RNF111: variants seen among roughly 807,000 people sequenced by gnomAD.
RNF111 encodes the protein ring finger protein 111.
In RNF111, 17 loss-of-function variants were observed where a neutral mutation model predicts 95.1. That is an observed-to-expected ratio of 0.18 (90% CI 0.12 to 0.27). The LOEUF (loss-of-function observed/expected upper bound fraction) is 0.27, where lower values mean the gene tolerates loss of function less well. Ranked by LOEUF, RNF111 falls within the 10% of genes least tolerant of loss-of-function variation. The probability of loss-of-function intolerance (pLI) is 1.00; values close to 1 mark genes in which losing one functional copy is unlikely to be tolerated. For synonymous variants in RNF111, 440 were observed against 414.8 expected, an observed-to-expected ratio of 1.06 and a Z score of -0.74; for missense variants, 1,189 against 1,210.4, an observed-to-expected ratio of 0.98 and a Z score of 0.26.
intron 1 of RNF111, among the ~76,000 whole-genome samples, chr15:59,023,108 C>T (rs776631364): frequency 1.3e-5 from 2 of 152,056 alleles, no homozygotes; most frequent in Admixed American, 6.6e-5. Flanking sequence ...ATTAACTGGG[C>T]ATGGTGGTGC....
At position 59,031,577 on chromosome 15, in the gene RNF111, G is replaced by A. The variant is rs758101206; in HGVS notation, c.755G>A (p.Ser252Asn). 7 of 1,614,196 alleles carry A rather than the reference G, an allele frequency of 4.3e-6. No homozygotes were observed. Among genetic ancestry groups the A allele is most frequent in the Admixed American group, 1.7e-5 (1 of 60,032 alleles). ...LARRKYALLP[S>N]SSSSSENDLS... is the part of the protein sequence containing the mutation. ...CGAAGAAAATATGCCTTGCTACCTA[G>A]TTCTAGTAGTTCCAGTGAGAATGAC... Residue 252 changes from serine to asparagine, a missense_variant, in exon 2 of 14, where the codon AGT becomes AAT. Ser to Asn is a conservative substitution (Grantham distance 46). Around this residue, in one of 2 missense-constraint regions of RNF111, gnomAD observed 1,024 missense variants for 925.9 expected, o/e 1.11. Transcript: ENST00000348370.
rs747230986 is a variant in RNF111, at chr15:59,066,985, C to T, written c.1588C>T (p.Pro530Ser). The T allele has an allele frequency of 1.2e-6, 2 of 1,614,026 alleles. No individual in the cohort carries two copies. Among genetic ancestry groups the T allele is most frequent in the African/African-American group, 1.3e-5 (1 of 74,910 alleles). Reference sequence around the variant, plus strand: ...TCCCCACCCAGCTGTCCCAGTTTCTCCTTCCTTTAGTGATCCTGCTTGCCC... The same window carrying T: ...TCCCCACCCAGCTGTCCCAGTTTCTTCTTCCTTTAGTGATCCTGCTTGCCC... ...HTPHPAVPVS[P>S]SFSDPACPVE... The change falls in exon 6 of 14, where the codon CCT (proline) becomes TCT (serine). Residue 530 changes from proline to serine, a missense_variant. Around this residue, in one of 2 missense-constraint regions of RNF111, gnomAD observed 1,024 missense variants for 925.9 expected, o/e 1.11. Coordinates refer to ENST00000348370, the MANE Select transcript of RNF111 (RefSeq NM_017610.8).
At chr15:59,066,114 G>A (rs1247043506) in intron 5 of RNF111, among the ~76,000 whole-genome samples, 1 of 152,124 alleles carries the variant, frequency 6.6e-6, no homozygotes, top group Admixed American at 6.5e-5. Flanking sequence ...TTGCTTTGTA[G>A]CATGTAGTGG....
Position 59,042,499 on chromosome 15 carries a change from A to G in RNF111, c.881-9806A>G, listed in dbSNP as rs1209228351. 1.3e-5 allele frequency among the ~76,000 whole-genome samples: 2 copies of G among 152,188 alleles called. 1 individual carries two copies. The highest frequency in any genetic ancestry group is 1.3e-4 in the Admixed American group (2 of 15,280). On this transcript the variant is annotated intron_variant, in intron 2 of 13. Transcript: ENST00000348370. ...TCTGGATTTTGAATCATAATTAGGA[A>G]TACTTTTACCACTCCAAAGTTCTAG...
chr15:59,023,576 C>T (rs1427759178), intron 1 of RNF111, among the ~76,000 whole-genome samples: 2 of 152,076 alleles, frequency 1.3e-5, no homozygotes, highest in Non-Finnish European at 2.9e-5. Flanking sequence ...GCCTGTCTTA[C>T]TGTTGCCAGT....
chr15:59,063,413 T>G (rs1355566130), intron 5 of RNF111, among the ~76,000 whole-genome samples: 6 of 152,182 alleles, frequency 3.9e-5, no homozygotes, highest in African/African-American at 1.4e-4. Context: ...CTGCTAGAGT[T>G]ACTGAAGGCA....
chr15:58,999,422 G>GC (rs1401028180), intron 1 of RNF111, among the ~76,000 whole-genome samples: 2 of 151,988 alleles, frequency 1.3e-5, no homozygotes, highest in African/African-American at 4.8e-5. Flanking sequence ...TGCAATCTCC[G>GC]CCCCCCAGGT....
At chr15:59,034,181 C>G (rs781473598) in intron 2 of RNF111, among the ~76,000 whole-genome samples, 2 of 152,116 alleles carry the variant, frequency 1.3e-5, no homozygotes, top group Non-Finnish European at 2.9e-5. Context: ...TTGACATTTG[C>G]ATAGTATTCC....
At position 59,052,381 on chromosome 15, in the gene RNF111, T is replaced by C; in HGVS notation, c.957T>C (p.Val319=). ...PQVTANEEIN[V]TSTDSEVEIV... is the part of the protein sequence containing the mutation. ...TTACTGCCAATGAAGAAATTAATGT[T>C]ACCTCAACTGACAGTGAAGTGGAGA... The change falls in exon 3 of 14, where the codon GTT becomes GTC. Residue 319 remains valine (V), a synonymous_variant. Transcript: ENST00000348370. 6.2e-7 allele frequency: 1 copy of C among 1,604,630 alleles called. No individual in the cohort carries two copies. The highest frequency in any genetic ancestry group is 2.2e-5 in the East Asian group (1 of 44,474).
intron 1 of RNF111, among the ~76,000 whole-genome samples, chr15:58,988,584 T>C (rs2038672794): frequency 6.6e-6 from 1 of 152,264 alleles, no homozygotes; most frequent in Admixed American, 6.5e-5. Flanking sequence ...TTTACTATTG[T>C]CCTTCGATAA....
At chr15:58,990,481 T>G (rs137875551) in intron 1 of RNF111, among the ~76,000 whole-genome samples, 31 of 152,262 alleles carry the variant, frequency 2.0e-4, no homozygotes, top group African/African-American at 6.3e-4. Flanking sequence ...AAACCCCATC[T>G]CTACTGAAAA....
intron 1 of RNF111, among the ~76,000 whole-genome samples, chr15:59,030,113 A>C (rs547983491): frequency 6.6e-6 from 1 of 152,300 alleles, no homozygotes; most frequent in South Asian, 2.1e-4. Flanking sequence ...TAGCTGTACA[A>C]AGTTTGATTT....
At chr15:58,997,497 A>G (rs528302329) in intron 1 of RNF111, among the ~76,000 whole-genome samples, 31 of 150,562 alleles carry the variant, frequency 2.1e-4, no homozygotes, top group Admixed American at 1.6e-3. Flanking sequence ...TATGTTCTTC[A>G]TGACTACACA....
intron 4 of RNF111, 54 bp downstream of exon 4, chr15:59,055,899 A>G (rs1205230948): frequency 1.4e-6 from 2 of 1,417,288 alleles, no homozygotes; most frequent in Non-Finnish European, 1.9e-6. Context: ...ATAAAAGGAA[A>G]TCTCTTAATA....
At chr15:59,055,148 C>T (rs1455939013) in intron 3 of RNF111, among the ~76,000 whole-genome samples, 2 of 152,182 alleles carry the variant, frequency 1.3e-5, no homozygotes, top group Admixed American at 6.5e-5. Flanking sequence ...AACTAGTAAA[C>T]TAGCCACAAT....
chr15:59,065,404 A>G (rs1257876512), intron 5 of RNF111, among the ~76,000 whole-genome samples: 1 of 152,338 alleles, frequency 6.6e-6, no homozygotes, highest in East Asian at 1.9e-4. Context: ...ATAACTGGGC[A>G]TGTGGCGGAG....
intron 2 of RNF111, among the ~76,000 whole-genome samples, chr15:59,042,439 A>G (rs149495380): frequency 5.7e-4 from 86 of 152,104 alleles, no homozygotes; most frequent in Middle Eastern, 3.4e-3. Flanking sequence ...ATTTTTTTTC[A>G]CAAGTCATAT....
rs1189748185 is a variant in RNF111, at chr15:59,070,029, C to CTTTT, written c.1686+2973_1686+2976dup. On this transcript the variant is annotated intron_variant, in intron 6 of 13. Transcript: ENST00000348370. ...CCCCCCAACCCCACCCCACCTCCTG[C>CTTTT]TTTTTTTTTTTTTTTTTTTTTTTTT... is the stretch of plus-strand genomic sequence containing the variant. Among the ~76,000 whole-genome samples the CTTTT allele has an allele frequency of 9.3e-4, 21 of 22,680 alleles. 3 individuals are homozygous for CTTTT. Among genetic ancestry groups the CTTTT allele is most frequent in the African/African-American group, 4.2e-3 (18 of 4,270 alleles). 14.9% of individuals were successfully genotyped at this position (22,680 alleles called of 152,430 possible).
chr15:59,020,347 T>C (rs2040278191), intron 1 of RNF111, among the ~76,000 whole-genome samples: 1 of 151,946 alleles, frequency 6.6e-6, no homozygotes, highest in Non-Finnish European at 1.5e-5. Context: ...TTAGTATACA[T>C]TTCAGGATCC....
Sources: allele counts gnomAD v4.1 joint callset (sites outside exome capture counted in the v4.1 genomes callset), GRCh38; gene constraint gnomAD v4.1.1; regional missense constraint gnomAD v4.1.1; transcripts MANE v1.5; gene names NCBI Gene and HGNC (gene_info 2026-07-23, HGNC 2026-07-21).